Variants in ATAD2B observed in about 807,000 individuals in gnomAD.
The protein encoded by ATAD2B is ATPase family AAA domain-containing protein 2B.
ATAD2B carries 40 observed loss-of-function variants against 167.6 expected under a neutral mutation model. The observed-to-expected ratio is 0.24, with a 90% CI of 0.19 to 0.31. The LOEUF is 0.31. Among genes scored for constraint, ATAD2B ranks in the 10% least tolerant of loss-of-function variants. The probability of loss-of-function intolerance (pLI) is 1.00; values close to 1 mark genes in which losing one functional copy is unlikely to be tolerated. For synonymous variants in ATAD2B, 579 were observed against 596.5 expected, an observed-to-expected ratio of 0.97 and a Z score of 0.43; for missense variants, 1,242 against 1,757.2, an observed-to-expected ratio of 0.71 and a Z score of 5.24.
the ATAD2B span, chr2:23,691,968 T>C: frequency 7.8e-7 from 1 of 1,281,884 alleles, no homozygotes; most frequent in Non-Finnish European, 1.1e-6. Context: ...GGGAGGTCTG[T>C]GTGTGCACAC....
At chr2:23,909,603 C>T (rs1421095737) in intron 1 of ATAD2B, among the ~76,000 whole-genome samples, 1 of 151,794 alleles carries the variant, frequency 6.6e-6, no homozygotes, top group Non-Finnish European at 1.5e-5. Flanking sequence ...AGTACATGTG[C>T]CATGGTCAGA....
chr2:23,748,672 T>C lies in ATAD2B; in HGVS notation c.*3374A>G, dbSNP rs906119064. ...TAAGCTAAAGAAAGACATGTTTTTC[T>C]TGTCATCTTTATTCAAGTATTTCAC... On this transcript the variant is annotated 3_prime_UTR_variant, in exon 28 of 28. Coordinates refer to ENST00000238789, the MANE Select transcript of ATAD2B (RefSeq NM_017552.4). 1 of 152,204 alleles carries C rather than the reference T, an allele frequency of 6.6e-6. No individual in the cohort carries two copies. The highest frequency in any genetic ancestry group is 1.5e-5 in the Non-Finnish European group (1 of 68,020). The allele number at this position is 152,204 out of a possible 1,614,324, so 9.4% of individuals were successfully genotyped here.
intron 1 of ATAD2B, among the ~76,000 whole-genome samples, chr2:23,903,943 TGGTGG>T (rs2150442456): frequency 6.6e-6 from 1 of 151,494 alleles, no homozygotes; most frequent in South Asian, 2.1e-4. Flanking sequence ...TTGTTGTTGG[TGGTGG>T]TGGTGGTGGT....
intron 13 of ATAD2B, among the ~76,000 whole-genome samples, chr2:23,844,485 T>A (rs939205963): frequency 3.3e-5 from 5 of 149,408 alleles, no homozygotes; most frequent in African/African-American, 1.2e-4. Flanking sequence ...AACCCAGAAA[T>A]ACAATATTAG....
At position 23,798,400 on chromosome 2, in the gene ATAD2B, T is replaced by G. The variant is rs1173726630; in HGVS notation, c.2455-77A>C. 2.6e-6 allele frequency: 3 copies of G among 1,172,116 alleles called. No individual in the cohort carries two copies. The East Asian group carries it at 7.7e-5, about 30-fold the overall frequency. The allele number at this position is 1,172,116 out of a possible 1,614,324, so 72.6% of individuals were successfully genotyped here. ...GTCTACCCAGTAATCTCCAAATACA[T>G]GAAATATGTCAGGCCTATTATGGTC... On this transcript the variant is annotated intron_variant, in intron 18 of 27. Coordinates refer to ENST00000238789, the MANE Select transcript of ATAD2B (RefSeq NM_017552.4).
At chr2:23,910,081 A>G (rs1702055033) in intron 1 of ATAD2B, among the ~76,000 whole-genome samples, 1 of 151,368 alleles carries the variant, frequency 6.6e-6, no homozygotes, top group South Asian at 2.1e-4. Flanking sequence ...CCAGACTGGT[A>G]TCAAACTCCT....
intron 15 of ATAD2B, among the ~76,000 whole-genome samples, chr2:23,827,283 C>T (rs1688400605): frequency 6.6e-6 from 1 of 151,642 alleles, no homozygotes; most frequent in Non-Finnish European, 1.5e-5. Context: ...AGAAATTATA[C>T]CATGAAAATT....
At chr2:23,919,846 A>C (rs1231840284) in intron 1 of ATAD2B, among the ~76,000 whole-genome samples, 2 of 94,384 alleles carry the variant, frequency 2.1e-5, no homozygotes, top group African/African-American at 7.2e-5. Context: ...ACTCTGTTTC[A>C]AAAAAAAAAA....
intron 14 of ATAD2B, among the ~76,000 whole-genome samples, chr2:23,830,127 G>A (rs1444146036): frequency 6.6e-6 from 1 of 151,970 alleles, no homozygotes; most frequent in South Asian, 2.1e-4. Context: ...GGGATTACAG[G>A]AACCCACCAC....
the ATAD2B span, among the ~76,000 whole-genome samples, chr2:23,737,665 C>T: frequency 3.3e-5 from 5 of 152,350 alleles, no homozygotes; most frequent in East Asian, 5.8e-4. Flanking sequence ...AGGAACGCAG[C>T]TCCTCACTAG....
At chr2:23,826,021 T>A (rs1688197864) in intron 15 of ATAD2B, among the ~76,000 whole-genome samples, 1 of 152,138 alleles carries the variant, frequency 6.6e-6, no homozygotes, top group Non-Finnish European at 1.5e-5. Flanking sequence ...TTACATTCGC[T>A]TATAAGTAAG....
chr2:23,686,734 T>C, the ATAD2B span, among the ~76,000 whole-genome samples: 1 of 152,026 alleles, frequency 6.6e-6, no homozygotes, highest in Non-Finnish European at 1.5e-5. Flanking sequence ...TTGGGCCACC[T>C]GTAGGCAGCC....
At chr2:23,841,381 A>C (rs1216631461) in intron 13 of ATAD2B, among the ~76,000 whole-genome samples, 3 of 152,206 alleles carry the variant, frequency 2.0e-5, no homozygotes, top group Admixed American at 1.3e-4. Context: ...TACGTGATAT[A>C]ATTTTACACT....
Position 23,810,649 on chromosome 2 carries a change from T to G in ATAD2B, c.2268-147A>C, listed in dbSNP as rs182968759. On this transcript the variant is annotated intron_variant, in intron 17 of 27. Coordinates refer to ENST00000238789, the MANE Select transcript of ATAD2B (RefSeq NM_017552.4). ...TATTTTAGTATAGTGACTTATTTTT[T>G]TATTAATTATGGTTTTAAAATGTTG... 22 of 635,962 alleles carry G rather than the reference T, an allele frequency of 3.5e-5. No individual in the cohort carries two copies. The African/African-American group carries it at 3.8e-4, about 11-fold the overall frequency. 39.4% of individuals were successfully genotyped at this position (635,962 alleles called of 1,614,324 possible).
chr2:23,921,975 G>A (rs75765319), intron 1 of ATAD2B, among the ~76,000 whole-genome samples: 3,929 of 152,104 alleles, frequency 0.026, 170 homozygotes, highest in African/African-American at 0.09. Context: ...GTTGGCAAAC[G>A]CATGAGTGTT....
chr2:23,863,895 A>AT (rs1694781182), intron 11 of ATAD2B, among the ~76,000 whole-genome samples: 1 of 152,330 alleles, frequency 6.6e-6, no homozygotes, highest in East Asian at 1.9e-4. Flanking sequence ...CTTTAATAAG[A>AT]TTTTCCATAT....
chr2:23,901,447 T>A (rs919211280), intron 1 of ATAD2B, among the ~76,000 whole-genome samples: 7 of 152,044 alleles, frequency 4.6e-5, no homozygotes, highest in Admixed American at 3.9e-4. Context: ...TACTATACAT[T>A]TGGGCACTTG....
intron 18 of ATAD2B, chr2:23,799,779 A>C (rs191627396): frequency 6.6e-6 from 1 of 152,120 alleles, no homozygotes; most frequent in Admixed American, 6.5e-5. Flanking sequence ...AGATGAAAGA[A>C]GCTCAAATAA....
intron 14 of ATAD2B, among the ~76,000 whole-genome samples, chr2:23,831,582 C>T (rs1421222462): frequency 2.6e-5 from 4 of 152,180 alleles, no homozygotes; most frequent in Admixed American, 1.3e-4. Flanking sequence ...TGCTGATGAC[C>T]GTGCCTCCCA....
Sources: gnomAD v4.1 joint callset for allele counts (sites outside exome capture counted in the v4.1 genomes callset) on GRCh38, gnomAD v4.1.1 for gene constraint, MANE v1.5 for transcripts, NCBI Gene and HGNC (gene_info 2026-07-23, HGNC 2026-07-21) for gene names.